Variants in ZNRF3 observed in about 807,000 individuals in gnomAD.
ZNRF3 encodes zinc and ring finger 3, also known as E3 ubiquitin-protein ligase ZNRF3.
ZNRF3 carries 23 observed loss-of-function variants against 72.5 expected under a neutral mutation model. That is an observed-to-expected ratio of 0.32 (90% confidence interval 0.23 to 0.45). ZNRF3 has a LOEUF of 0.45. Among genes scored for constraint, ZNRF3 ranks in the 20% least tolerant of loss-of-function variants. The pLI is 1.00. For missense variants in ZNRF3, 1,169 were observed against 1,272.1 expected (o/e 0.92, Z 1.23); for synonymous variants, 610 against 545.3 (o/e 1.12, Z -1.65).
chr22:29,049,114 C>G lies in ZNRF3; in HGVS notation c.1016-83C>G, dbSNP rs1325637595. 14 of 1,449,548 alleles carry G rather than the reference C, an allele frequency of 9.7e-6. No individual in the cohort carries two copies. In the East Asian group the frequency reaches 3.0e-4, roughly 31 times the overall value. The allele number at this position is 1,449,548 out of a possible 1,614,324, so 89.8% of individuals were successfully genotyped here. A position where few individuals can be genotyped will look rare whatever the true frequency, so the allele number is the denominator to read the frequency against. On this transcript the variant is annotated intron_variant, in intron 7 of 8. Transcript: ENST00000544604. This position sits in a 1 kb window ranked among gnomAD's most constrained non-coding sequence, Gnocchi z 5.2. ...AGGTGACCAAGCCTGCTGCTTCAGC[C>G]TTTGCCCGTTTTAAAAATCCCTTTA...
chr22:28,891,721 G>A (rs1403608345), intron 1 of ZNRF3, among the ~76,000 whole-genome samples: 2 of 152,230 alleles, frequency 1.3e-5, no homozygotes, highest in African/African-American at 4.8e-5. Flanking sequence ...GTGGAATTTA[G>A]AGTTGAGTTT....
At chr22:28,888,473 T>C (rs2033829136) in intron 1 of ZNRF3, among the ~76,000 whole-genome samples, 1 of 152,238 alleles carries the variant, frequency 6.6e-6, no homozygotes, top group Admixed American at 6.5e-5. Context: ...AAACCAAGCA[T>C]TTGATTCAGG....
At chr22:28,887,464 C>T (rs1454145852) in intron 1 of ZNRF3, among the ~76,000 whole-genome samples, 2 of 151,912 alleles carry the variant, frequency 1.3e-5, no homozygotes, top group Non-Finnish European at 2.9e-5. Context: ...CCTTAGGATT[C>T]GTCATCAGGA....
intron 2 of ZNRF3, among the ~76,000 whole-genome samples, chr22:28,987,839 A>G (rs563272886): frequency 1.3e-3 from 195 of 152,306 alleles, no homozygotes; most frequent in African/African-American, 3.9e-3. Context: ...AGAATGGCAG[A>G]CAGCAATTAT....
chr22:28,928,517 G>A (rs1435245045), intron 1 of ZNRF3, among the ~76,000 whole-genome samples: 9 of 134,680 alleles, frequency 6.7e-5, no homozygotes, highest in Non-Finnish European at 1.4e-4. Context: ...TTTTTTTGAC[G>A]GAGTCTTGCT....
At chr22:29,038,136 A>G (rs1261697766) in intron 2 of ZNRF3, among the ~76,000 whole-genome samples, 1 of 152,168 alleles carries the variant, frequency 6.6e-6, no homozygotes, top group African/African-American at 2.4e-5. Context: ...AAAGATCCTA[A>G]AGATAGGATT....
Position 28,986,251 on chromosome 22 carries a change from T to C in ZNRF3, c.301-825T>C, listed in dbSNP as rs143669574. 6.2e-4 allele frequency among the ~76,000 whole-genome samples: 94 copies of C among 152,360 alleles called. No individual in the cohort carries two copies. The East Asian group carries it at 0.016, about 25-fold the overall frequency. On this transcript the variant is annotated intron_variant, in intron 1 of 8. Transcript: ENST00000544604. ...GGTCTCTTGTGTTTCTAACTTGTCA[T>C]GAATCTAAAGACGTATTTCTTCCAC...
chr22:28,967,636 T>G (rs2123810090), intron 1 of ZNRF3, among the ~76,000 whole-genome samples: 1 of 152,160 alleles, frequency 6.6e-6, no homozygotes, highest in Non-Finnish European at 1.5e-5. Context: ...ATTTAATATA[T>G]CCTGTTGAGG....
chr22:28,907,262 G>A (rs1178818490), intron 1 of ZNRF3, among the ~76,000 whole-genome samples: 1 of 151,756 alleles, frequency 6.6e-6, no homozygotes, highest in African/African-American at 2.4e-5. Context: ...CAAAGTGCTA[G>A]GATTACAGGC....
At chr22:28,983,026 G>A (rs2035794455) in intron 1 of ZNRF3, among the ~76,000 whole-genome samples, 1 of 152,184 alleles carries the variant, frequency 6.6e-6, no homozygotes, top group African/African-American at 2.4e-5. Flanking sequence ...GGATGGTGAG[G>A]TAAGTTTTCT....
chr22:29,034,462 G>A (rs982057627), intron 2 of ZNRF3, among the ~76,000 whole-genome samples: 9 of 152,192 alleles, frequency 5.9e-5, no homozygotes, highest in Non-Finnish European at 8.8e-5. Flanking sequence ...ATGAGCCATG[G>A]AGCAGAGTCC....
chr22:28,913,237 TTGAGA>T (rs2034350682), intron 1 of ZNRF3, among the ~76,000 whole-genome samples: 1 of 152,254 alleles, frequency 6.6e-6, no homozygotes, highest in African/African-American at 2.4e-5. Flanking sequence ...GGCTCAGTAT[TTGAGA>T]AATACTGTTG....
chr22:29,001,743 G>A (rs1040035676), intron 2 of ZNRF3, among the ~76,000 whole-genome samples: 3 of 152,234 alleles, frequency 2.0e-5, no homozygotes, highest in Admixed American at 6.5e-5. Context: ...AAAGTGCTGG[G>A]ATTACAGTGA....
chr22:29,037,249 A>G (rs887846620), intron 2 of ZNRF3, among the ~76,000 whole-genome samples: 2 of 152,202 alleles, frequency 1.3e-5, no homozygotes, highest in African/African-American at 2.4e-5. Context: ...AAGTCTGGGT[A>G]TAACTACACA....
chr22:28,919,642 G>A (rs1043127911), intron 1 of ZNRF3, among the ~76,000 whole-genome samples: 2 of 151,602 alleles, frequency 1.3e-5, no homozygotes, highest in Admixed American at 6.6e-5. Context: ...GAGTAGCTGG[G>A]ATTACAGGCG....
At chr22:28,931,079 C>T (rs1011859761) in intron 1 of ZNRF3, among the ~76,000 whole-genome samples, 2 of 152,140 alleles carry the variant, frequency 1.3e-5, no homozygotes, top group African/African-American at 2.4e-5. Flanking sequence ...TGAGTGACAT[C>T]GTGAAGATTG....
At chr22:28,993,223 G>A (rs773227257) in intron 2 of ZNRF3, among the ~76,000 whole-genome samples, 4 of 152,210 alleles carry the variant, frequency 2.6e-5, no homozygotes, top group Non-Finnish European at 5.9e-5. Context: ...GAGGAACCCA[G>A]TGGAACCAGG....
At chr22:29,025,063 C>G (rs939199214) in intron 2 of ZNRF3, 1 of 149,534 alleles carries the variant, frequency 6.7e-6, no homozygotes, top group Non-Finnish European at 1.5e-5. Flanking sequence ...CTCACTACAA[C>G]CTCCACATCC....
chr22:28,891,025 G>A (rs1212070356), intron 1 of ZNRF3, among the ~76,000 whole-genome samples: 1 of 152,168 alleles, frequency 6.6e-6, no homozygotes, highest in African/African-American at 2.4e-5. Flanking sequence ...CCAGTGCTCT[G>A]GGATTACAGG....
Sources: gnomAD v4.1 joint callset for allele counts (sites outside exome capture counted in the v4.1 genomes callset) on GRCh38, gnomAD v4.1.1 for gene constraint, Gnocchi (gnomAD v3.1) non-coding constraint, MANE v1.5 for transcripts, NCBI Gene and HGNC (gene_info 2026-07-23, HGNC 2026-07-21) for gene names.